The following CCNY variants were observed in gnomAD, a reference collection of about 807,000 sequenced individuals.
CCNY encodes cyclin Y.
CCNY carries 19 observed loss-of-function variants against 42.8 expected under a neutral mutation model. That is an observed-to-expected ratio of 0.44 (90% CI 0.31 to 0.65). The LOEUF is 0.65. CCNY is among the 30% of genes least tolerant of loss of function. CCNY has a pLI of 0.07. For missense variants in CCNY, 370 were observed against 437.3 expected, an observed-to-expected ratio of 0.85 and a Z score of 1.37; for synonymous variants, 165 against 162.7, an observed-to-expected ratio of 1.01 and a Z score of -0.11.
At chr10:35,389,871 G>A (rs1287524238) in intron 1 of CCNY, among the ~76,000 whole-genome samples, 1 of 152,160 alleles carries the variant, frequency 6.6e-6, no homozygotes, top group African/African-American at 2.4e-5. Context: ...TGTTATTGTT[G>A]CCTTCTCTCA....
At chr10:35,567,662 G>A (rs1442175964) in intron 9 of CCNY, among the ~76,000 whole-genome samples, 1 of 152,180 alleles carries the variant, frequency 6.6e-6, no homozygotes, top group Non-Finnish European at 1.5e-5. Flanking sequence ...CTAGAACTGG[G>A]AGAAGAAACC....
intron 1 of CCNY, among the ~76,000 whole-genome samples, chr10:35,441,942 T>TA (rs1243473023): frequency 6.6e-6 from 1 of 152,246 alleles, no homozygotes; most frequent in Non-Finnish European, 1.5e-5. Flanking sequence ...TGATCATACT[T>TA]AAGAGAATAC....
intron 2 of CCNY, among the ~76,000 whole-genome samples, chr10:35,493,243 C>T (rs1839938304): frequency 6.6e-6 from 1 of 152,172 alleles, no homozygotes; most frequent in Non-Finnish European, 1.5e-5. Context: ...TGTTCCCAGT[C>T]AGAACATTGC....
Position 35,284,629 on chromosome 10 carries a change from T to A in CCNY, c.-9+34003T>A, listed in dbSNP as rs182649993. On this transcript the variant is annotated intron_variant, in intron 3 of 11. Transcript: ENST00000374706. Reference sequence around the variant, plus strand: ...TCAATTTTGTTGATTTCTTCTCTGATCCTTGTTTCCTTCCTTCCGCTTGGT... The same window carrying A: ...TCAATTTTGTTGATTTCTTCTCTGAACCTTGTTTCCTTCCTTCCGCTTGGT... Among the ~76,000 whole-genome samples the A allele has an allele frequency of 7.9e-5, 12 of 152,274 alleles. No homozygotes were observed. In the East Asian group the frequency reaches 2.3e-3, roughly 29 times the overall value.
intron 1 of CCNY, among the ~76,000 whole-genome samples, chr10:35,468,465 C>T (rs1012654033): frequency 6.6e-6 from 1 of 152,014 alleles, no homozygotes; most frequent in Admixed American, 6.6e-5. Context: ...TTTTAAAACT[C>T]CCTTTTATTT....
intron 3 of CCNY, among the ~76,000 whole-genome samples, chr10:35,268,143 C>T (rs900355368): frequency 6.6e-6 from 1 of 152,084 alleles, no homozygotes; most frequent in Non-Finnish European, 1.5e-5. Context: ...GATCTGCCTG[C>T]CTTGGCCTCC....
At chr10:35,493,945 C>G (rs1237676426) in intron 2 of CCNY, among the ~76,000 whole-genome samples, 1 of 152,250 alleles carries the variant, frequency 6.6e-6, no homozygotes, top group Non-Finnish European at 1.5e-5. Flanking sequence ...GTGCTGACAG[C>G]TCCTCTGTGC....
intron 2 of CCNY, among the ~76,000 whole-genome samples, chr10:35,501,254 T>C (rs1433724185): frequency 1.3e-5 from 2 of 152,224 alleles, no homozygotes; most frequent in African/African-American, 4.8e-5. Context: ...ACCCCTTAAT[T>C]GATTTCAGCT....
Position 35,571,659 on chromosome 10 carries a change from T to C in CCNY, c.*2489T>C, listed in dbSNP as rs1470333255. The C allele has an allele frequency of 6.6e-6, 1 of 152,374 alleles. No homozygotes were observed. Among genetic ancestry groups the C allele is most frequent in the Non-Finnish European group, 1.5e-5 (1 of 68,040 alleles). The allele number at this position is 152,374 out of a possible 1,614,324, so 9.4% of individuals were successfully genotyped here. ...TACATGATGATGAATAGTTATGTTTTCTTCTCTGATTTGTTCAAAGTTTGC... is the reference window on the plus strand; with the variant it reads ...TACATGATGATGAATAGTTATGTTTCCTTCTCTGATTTGTTCAAAGTTTGC... On this transcript the variant is annotated 3_prime_UTR_variant, in exon 10 of 10. Coordinates refer to ENST00000374704, the MANE Select transcript of CCNY (RefSeq NM_145012.6).
chr10:35,256,143 A>T (rs2095715297), intron 3 of CCNY, among the ~76,000 whole-genome samples: 1 of 152,180 alleles, frequency 6.6e-6, no homozygotes, highest in Non-Finnish European at 1.5e-5. Context: ...TGCTTTATCT[A>T]TGCTGCTAAT....
chr10:35,372,584 C>G (rs1234169253), intron 1 of CCNY, among the ~76,000 whole-genome samples: 1 of 152,224 alleles, frequency 6.6e-6, no homozygotes, highest in Non-Finnish European at 1.5e-5. Flanking sequence ...CGTGCCTTTG[C>G]TCACTCTGGC....
chr10:35,468,283 A>G (rs968398757), intron 1 of CCNY, among the ~76,000 whole-genome samples: 13 of 152,188 alleles, frequency 8.5e-5, no homozygotes, highest in African/African-American at 3.1e-4. Flanking sequence ...TCATGACCCA[A>G]TCACCTCCCA....
At chr10:35,293,788 A>ATTT (rs796927132) in intron 3 of CCNY, among the ~76,000 whole-genome samples, 2 of 139,834 alleles carry the variant, frequency 1.4e-5, no homozygotes, top group Non-Finnish European at 3.1e-5. Flanking sequence ...CATACAATTG[A>ATTT]TTTTTTTTTT....
chr10:35,311,066 A>G (rs1432341039), intron 3 of CCNY, among the ~76,000 whole-genome samples: 2 of 152,196 alleles, frequency 1.3e-5, no homozygotes, highest in Admixed American at 6.5e-5. Context: ...TCATCCCAAC[A>G]CTTTGGGAGG....
At chr10:35,522,473 G>A (rs145648766) in intron 4 of CCNY, among the ~76,000 whole-genome samples, 7 of 152,158 alleles carry the variant, frequency 4.6e-5, no homozygotes, top group Non-Finnish European at 7.4e-5. Context: ...TTAGAGGAAC[G>A]CAGACAAATT....
intron 1 of CCNY, among the ~76,000 whole-genome samples, chr10:35,353,092 A>C (rs1836463435): frequency 6.6e-6 from 1 of 152,092 alleles, no homozygotes; most frequent in African/African-American, 2.4e-5. Flanking sequence ...TGCCTGGCTA[A>C]GTTTTTAAAT....
chr10:35,359,728 T>A (rs368448334), intron 1 of CCNY, among the ~76,000 whole-genome samples: 1 of 152,272 alleles, frequency 6.6e-6, no homozygotes, highest in East Asian at 1.9e-4. Context: ...CAGAACTACT[T>A]CTTCCCAAAC....
chr10:35,427,793 T>A (rs1160884561), intron 1 of CCNY, among the ~76,000 whole-genome samples: 1 of 152,162 alleles, frequency 6.6e-6, no homozygotes, highest in Admixed American at 6.5e-5. Context: ...CAGAGTGAAG[T>A]TAAACCTTCC....
At chr10:35,474,672 G>A (rs1260373555) in intron 1 of CCNY, among the ~76,000 whole-genome samples, 1 of 151,924 alleles carries the variant, frequency 6.6e-6, no homozygotes, top group Non-Finnish European at 1.5e-5. Flanking sequence ...AAGACCAAAA[G>A]TAGATAAAAC....
Sources: allele counts gnomAD v4.1 joint callset (sites outside exome capture counted in the v4.1 genomes callset), GRCh38; gene constraint gnomAD v4.1.1; transcripts MANE v1.5; gene names NCBI Gene and HGNC (gene_info 2026-07-23, HGNC 2026-07-21).